The following LUZP2 variants were observed in gnomAD, a reference collection of about 807,000 sequenced individuals.
LUZP2 encodes leucine zipper protein 2.
A neutral mutation model predicts 51.6 loss-of-function variants in LUZP2; 52 were observed. That is an observed-to-expected ratio of 1.01 (90% confidence interval 0.81 to 1.27). LUZP2 has a LOEUF of 1.27. Ranked by LOEUF, LUZP2 falls within the 50% of genes most tolerant of loss-of-function variation. The pLI, the probability that LUZP2 is intolerant of heterozygous loss-of-function variation, is 0.00. For synonymous variants in LUZP2, 154 were observed against 137.3 expected, an observed-to-expected ratio of 1.12 and a Z score of -0.85; for missense variants, 436 against 395.4, an observed-to-expected ratio of 1.10 and a Z score of -0.87.
intron 8 of LUZP2, 94 bp from the exon 9 acceptor site, chr11:24,983,032 G>C: frequency 8.6e-7 from 1 of 1,168,242 alleles, no homozygotes; most frequent in South Asian, 1.6e-5. Context: ...ATGTATTTTT[G>C]TGGGGAGTAT....
intron 9 of LUZP2, among the ~76,000 whole-genome samples, chr11:25,032,772 T>G (rs985954009): frequency 1.3e-5 from 2 of 152,184 alleles, no homozygotes; most frequent in African/African-American, 2.4e-5. Context: ...TCAAGAGATA[T>G]GAATTCCCAT....
intron 5 of LUZP2, among the ~76,000 whole-genome samples, chr11:24,828,125 T>C (rs1181190150): frequency 6.6e-6 from 1 of 151,948 alleles, no homozygotes; most frequent in African/African-American, 2.4e-5. Flanking sequence ...CAATGAAAGA[T>C]AGGTAAGTGA....
At chr11:24,609,975 A>G (rs901238274) in intron 1 of LUZP2, among the ~76,000 whole-genome samples, 8 of 152,192 alleles carry the variant, frequency 5.3e-5, no homozygotes, top group Admixed American at 5.2e-4. Context: ...TGATGCAATC[A>G]GCTGGCAATT....
At chr11:25,001,906 T>C (rs1856692096) in intron 9 of LUZP2, among the ~76,000 whole-genome samples, 1 of 152,138 alleles carries the variant, frequency 6.6e-6, no homozygotes, top group Non-Finnish European at 1.5e-5. Context: ...TGCCAGCTGC[T>C]TGTACTGCTG....
chr11:24,665,735 G>T (rs370725268), intron 1 of LUZP2, among the ~76,000 whole-genome samples: 4 of 152,070 alleles, frequency 2.6e-5, no homozygotes, highest in Admixed American at 2.6e-4. Context: ...GGACATGATT[G>T]CTTCGCCTTC....
chr11:24,574,116 CCTT>C (rs1852528421), intron 1 of LUZP2, among the ~76,000 whole-genome samples: 1 of 150,856 alleles, frequency 6.6e-6, no homozygotes, highest in Non-Finnish European at 1.5e-5. Flanking sequence ...TTAATCCCTT[CCTT>C]CTTCCTTTCC....
intron 5 of LUZP2, among the ~76,000 whole-genome samples, chr11:24,830,612 TAA>T (rs1445667563): frequency 6.6e-6 from 1 of 152,212 alleles, no homozygotes; most frequent in African/African-American, 2.4e-5. Context: ...CTTAATACAA[TAA>T]GTCTTTAAAA....
chr11:24,649,534 G>A (rs943637161), intron 1 of LUZP2, among the ~76,000 whole-genome samples: 1 of 151,956 alleles, frequency 6.6e-6, no homozygotes, highest in Admixed American at 6.6e-5. Flanking sequence ...AAAGTTGTCA[G>A]TGAAGCACTA....
chr11:25,045,685 C>CAG (rs1424201599), intron 9 of LUZP2, among the ~76,000 whole-genome samples: 1 of 152,094 alleles, frequency 6.6e-6, no homozygotes, highest in African/African-American at 2.4e-5. Flanking sequence ...AATATCTATG[C>CAG]TAAAATCAAA....
At chr11:25,051,197 C>T (rs1240483657) in intron 10 of LUZP2, among the ~76,000 whole-genome samples, 1 of 151,976 alleles carries the variant, frequency 6.6e-6, no homozygotes, top group African/African-American at 2.4e-5. Flanking sequence ...ATGAATTACT[C>T]TCCCAACTAC....
chr11:24,565,074 A>T (rs139696199), intron 1 of LUZP2, among the ~76,000 whole-genome samples: 1 of 152,266 alleles, frequency 6.6e-6, no homozygotes, highest in South Asian at 2.1e-4. Flanking sequence ...CTCTATCCTT[A>T]GTGAATTAGT....
chr11:24,536,379 G>GA (rs1485835918), intron 1 of LUZP2, among the ~76,000 whole-genome samples: 1 of 151,822 alleles, frequency 6.6e-6, no homozygotes, highest in Admixed American at 6.6e-5. Flanking sequence ...AATCTGTATT[G>GA]AAAATCTGTT....
chr11:24,771,722 G>A (rs765947863), intron 5 of LUZP2, among the ~76,000 whole-genome samples: 18 of 152,024 alleles, frequency 1.2e-4, no homozygotes, highest in Non-Finnish European at 1.8e-4. Flanking sequence ...GTCAAAGGGT[G>A]GGGGCCAGGT....
chr11:24,912,622 A>T (rs1009888337), intron 6 of LUZP2, among the ~76,000 whole-genome samples: 1 of 152,142 alleles, frequency 6.6e-6, no homozygotes, highest in African/African-American at 2.4e-5. Flanking sequence ...AAGCCTGGAC[A>T]ACACAGTGAA....
intron 9 of LUZP2, among the ~76,000 whole-genome samples, chr11:25,034,595 G>T (rs1440088346): frequency 6.6e-6 from 1 of 152,040 alleles, no homozygotes; most frequent in Non-Finnish European, 1.5e-5. Context: ...GTGAATTTTT[G>T]TATATTGTGA....
chr11:24,634,746 G>A (rs1320147991), intron 1 of LUZP2, among the ~76,000 whole-genome samples: 1 of 152,084 alleles, frequency 6.6e-6, no homozygotes, highest in African/African-American at 2.4e-5. Context: ...GAGTTTGCAG[G>A]TGCAAGGTGA....
intron 5 of LUZP2, among the ~76,000 whole-genome samples, chr11:24,862,874 A>G (rs1203959603): frequency 6.6e-6 from 1 of 152,248 alleles, no homozygotes; most frequent in Non-Finnish European, 1.5e-5. Context: ...ACAAATAACC[A>G]AAATAGCAAT....
intron 1 of LUZP2, among the ~76,000 whole-genome samples, chr11:24,581,920 A>G (rs537748090): frequency 6.6e-6 from 1 of 152,218 alleles, no homozygotes; most frequent in African/African-American, 2.4e-5. Context: ...TGATGGAGCA[A>G]ATACTTGGGC....
rs1202115055 is a variant in LUZP2, at chr11:24,531,042, A to AT, written c.62+33739dup. On this transcript the variant is annotated intron_variant, in intron 1 of 11. Transcript: ENST00000336930. ...ATGGCTTATTACTTTAGCCTCTTTT[A>AT]TTATTATTATTATTATTATTATTTT... 6.2e-5 allele frequency among the ~76,000 whole-genome samples: 9 copies of AT among 145,640 alleles called. No individual in the cohort carries two copies. In the South Asian group the frequency reaches 6.3e-4, roughly 10 times the overall value.
Sources: allele counts gnomAD v4.1 joint callset (sites outside exome capture counted in the v4.1 genomes callset), GRCh38; gene constraint gnomAD v4.1.1; transcripts MANE v1.5; gene names NCBI Gene and HGNC (gene_info 2026-07-23, HGNC 2026-07-21).